Variants in TNNT1 observed in about 807,000 individuals in gnomAD.
TNNT1 encodes the protein troponin T, slow skeletal muscle.
Under a neutral mutation model 50.6 loss-of-function variants are expected in TNNT1, and 53 were observed. The observed-to-expected ratio is 1.05, with a 90% confidence interval of 0.84 to 1.32. The LOEUF (loss-of-function observed/expected upper bound fraction) is 1.32, where lower values mean the gene tolerates loss of function less well. Ranked by LOEUF, TNNT1 falls within the 40% of genes most tolerant of loss-of-function variation. TNNT1 has a pLI of 0.00. For synonymous variants in TNNT1, 142 were observed against 138.0 expected, an observed-to-expected ratio of 1.03 and a Z score of -0.20; for missense variants, 348 against 381.7, an observed-to-expected ratio of 0.91 and a Z score of 0.74.
chr19:55,141,945 C>T (rs2085464750), intron 6 of TNNT1, 25 bp from the exon 7 acceptor site: 3 of 1,613,184 alleles, frequency 1.9e-6, no homozygotes, highest in South Asian at 2.2e-5. Context: ...ACACAGAGAC[C>T]ATGAGTGGCC....
At position 55,133,726 on chromosome 19, in the gene TNNT1, G is replaced by C; in HGVS notation, c.791+161C>G. The C allele has an allele frequency of 3.8e-6, 3 of 793,448 alleles. No individual in the cohort carries two copies. The East Asian group carries it at 7.7e-5, about 20-fold the overall frequency. 49.2% of individuals were successfully genotyped at this position (793,448 alleles called of 1,614,324 possible). A position where few individuals can be genotyped will look rare whatever the true frequency, so the allele number is the denominator to read the frequency against. On this transcript the variant is annotated intron_variant, in intron 13 of 13. Coordinates refer to ENST00000588981, the MANE Select transcript of TNNT1 (RefSeq NM_003283.6). The stretch of plus-strand genomic sequence containing the variant: ...AAAAAGAAAAAGGAACTGAGACCCA[G>C]GATTCCGAGAGCAGAGAGAGGAGGA...
intron 13 of TNNT1, 63 bp from the exon 14 acceptor site, chr19:55,133,023 G>C: frequency 6.9e-7 from 1 of 1,440,736 alleles, no homozygotes. Flanking sequence ...ATGGGCCCCA[G>C]GCCCTCAATT....
At chr19:55,141,770 G>A (rs914624355) in intron 7 of TNNT1, 87 bp downstream of exon 7, 4 of 1,521,320 alleles carry the variant, frequency 2.6e-6, no homozygotes, top group South Asian at 2.2e-5. Flanking sequence ...ATGAGGCCCC[G>A]CGCCCGGCCG....
At chr19:55,141,388 T>C in intron 7 of TNNT1, 86 bp from the exon 8 acceptor site, 1 of 1,000,876 alleles carries the variant, frequency 1.0e-6, no homozygotes, top group Non-Finnish European at 1.6e-6. Context: ...GATGGTGAAC[T>C]GAACCGTTTC....
At chr19:55,143,494 G>T (rs1297088924) in intron 6 of TNNT1, among the ~76,000 whole-genome samples, 4 of 152,172 alleles carry the variant, frequency 2.6e-5, no homozygotes, top group Admixed American at 2.6e-4. Flanking sequence ...GGCAAGGGGA[G>T]GGAAGAGGTG....
Position 55,133,203 on chromosome 19 carries a change from G to A in TNNT1, c.792-243C>T, listed in dbSNP as rs55966503. Among the ~76,000 whole-genome samples, 832 of 151,946 alleles carry A rather than the reference G, an allele frequency of 5.5e-3. 8 individuals are homozygous for A. Among genetic ancestry groups the A allele is most frequent in the African/African-American group, 0.019 (788 of 41,412 alleles). ...GGGCGAGTGCAGGGTGTTCATGGGGGAGCTGATGAATGTTTATGAGTCAGG... is the reference window on the plus strand; with the variant it reads ...GGGCGAGTGCAGGGTGTTCATGGGGAAGCTGATGAATGTTTATGAGTCAGG... On this transcript the variant is annotated intron_variant, in intron 13 of 13. Coordinates refer to ENST00000588981, the MANE Select transcript of TNNT1 (RefSeq NM_003283.6).
chr19:55,147,829 C>A (rs1599899458), intron 1 of TNNT1, among the ~76,000 whole-genome samples: 1 of 140,218 alleles, frequency 7.1e-6, no homozygotes. Flanking sequence ...GGAGCTGGGG[C>A]CTGGACTCCT....
chr19:55,141,503 G>A (rs999413469), intron 7 of TNNT1, among the ~76,000 whole-genome samples: 2 of 149,632 alleles, frequency 1.3e-5, no homozygotes, highest in Non-Finnish European at 3.0e-5. Flanking sequence ...GGGGACCGGC[G>A]CCTTTTTTTT....
At chr19:55,149,117 G>A (rs897403921) in intron 1 of TNNT1, 44 bp downstream of exon 1, 6 of 455,986 alleles carry the variant, frequency 1.3e-5, no homozygotes, top group East Asian at 1.4e-4. Context: ...CCTCCCCCAA[G>A]GACATGGTTT....
At chr19:55,142,346 C>T (rs888789933) in intron 6 of TNNT1, among the ~76,000 whole-genome samples, 1 of 151,544 alleles carries the variant, frequency 6.6e-6, no homozygotes, top group Non-Finnish European at 1.5e-5. Context: ...TGGTCTCGAT[C>T]TCCTGACCTC....
intron 5 of TNNT1, among the ~76,000 whole-genome samples, chr19:55,146,037 C>G (rs111247067): frequency 0.03 from 4,558 of 150,334 alleles, 174 homozygotes; most frequent in South Asian, 0.089. Context: ...TCCCAGCGCT[C>G]GCCTCCTCTG....
intron 5 of TNNT1, 102 bp downstream of exon 5, chr19:55,146,332 C>A (rs1311197058): frequency 1.6e-6 from 1 of 641,826 alleles, no homozygotes. Flanking sequence ...GTTATGGGGG[C>A]GGAGGGAGGG....
In TNNT1 at chr19:55,133,977, C is replaced by T. The variant is rs373438393; in HGVS notation, c.751-50G>A. On this transcript the variant is annotated intron_variant, in intron 12 of 13. Transcript: ENST00000588981. The stretch of plus-strand genomic sequence containing the variant: ...GGGACAGCCGGTGGGGACGTGGGGA[C>T]GGGCCACCCACCCCTGCCTGGAGTT... 1.1e-5 allele frequency: 18 copies of T among 1,612,764 alleles called. No homozygotes were observed. The Middle Eastern group carries it at 6.6e-4, about 59-fold the overall frequency.
intron 6 of TNNT1, among the ~76,000 whole-genome samples, chr19:55,144,046 T>C (rs2085503616): frequency 1.4e-5 from 2 of 147,862 alleles, no homozygotes; most frequent in Admixed American, 6.8e-5. Flanking sequence ...TCCCTCTCAG[T>C]CCATTCCCCC....
chr19:55,147,344 G>T (rs1599897346), intron 1 of TNNT1, 176 bp from the exon 2 acceptor site: 1 of 605,218 alleles, frequency 1.7e-6, no homozygotes, highest in East Asian at 3.6e-5. Flanking sequence ...AGGAGCTGGG[G>T]CCTGGACTCC....
intron 6 of TNNT1, 103 bp from the exon 7 acceptor site, chr19:55,142,023 G>A (rs1225599411): frequency 4.1e-6 from 5 of 1,211,356 alleles, no homozygotes; most frequent in Middle Eastern, 2.4e-4. Context: ...AGCCCCGGGA[G>A]GCTCCTGAAC....
chr19:55,146,974 C>A, intron 3 of TNNT1, 34 bp downstream of exon 3: 1 of 1,585,346 alleles, frequency 6.3e-7, no homozygotes, highest in Non-Finnish European at 8.6e-7. Context: ...TGGGCGTGTC[C>A]CCATCCCATA....
At position 55,137,165 on chromosome 19, in the gene TNNT1, C is replaced by T. The variant is rs752591144; in HGVS notation, c.549G>A (p.Val183=). The T allele has an allele frequency of 1.2e-6, 2 of 1,613,296 alleles. No homozygotes were observed. Among genetic ancestry groups the T allele is most frequent in the South Asian group, 1.1e-5 (1 of 91,070 alleles). Residue 183 remains valine, a synonymous_variant, in exon 11 of 14, where the codon GTG becomes GTA. Coordinates refer to ENST00000588981, the MANE Select transcript of TNNT1 (RefSeq NM_003283.6). ...GCTTCTTACGCTCGGAGAGGATGCGCACCTTCATCTCCCGCCCCGTCTGCC... is the reference window on the plus strand; with the variant it reads ...GCTTCTTACGCTCGGAGAGGATGCGTACCTTCATCTCCCGCCCCGTCTGCC... ...GKRQTGREMK[V]RILSERKKPL... is the part of the protein sequence containing the mutation.
In TNNT1 at chr19:55,136,902, G is replaced by A. The variant is rs3760873; in HGVS notation, c.611+201C>T. ...ACACCTGTCAGATGCTACAGGCCAC[G>A]GCAGCCACGAAAAGTGGGTTCAGTG... On this transcript the variant is annotated intron_variant, in intron 11 of 13. Coordinates refer to ENST00000588981, the MANE Select transcript of TNNT1 (RefSeq NM_003283.6). Among the ~76,000 whole-genome samples, 26,362 of 151,988 alleles carry A rather than the reference G, an allele frequency of 0.17. 5,424 individuals are homozygous for A. The highest frequency in any genetic ancestry group is 0.49 in the African/African-American group (20,395 of 41,378).
Sources: gnomAD v4.1 joint callset for allele counts (sites outside exome capture counted in the v4.1 genomes callset) on GRCh38, gnomAD v4.1.1 for gene constraint, MANE v1.5 for transcripts, NCBI Gene and HGNC (gene_info 2026-07-23, HGNC 2026-07-21) for gene names.